The following TTC3 variants were observed in gnomAD, a reference collection of about 807,000 sequenced individuals.
TTC3 encodes tetratricopeptide repeat domain 3, also known as E3 ubiquitin-protein ligase TTC3.
Under a neutral mutation model 249.6 loss-of-function variants are expected in TTC3, and 180 were observed. The observed-to-expected ratio is 0.72, with a 90% CI of 0.64 to 0.82. The LOEUF (loss-of-function observed/expected upper bound fraction) is 0.82. TTC3 is among the 40% of genes least tolerant of loss of function. The pLI is 0.00. For missense variants in TTC3, 2,061 were observed against 2,398.4 expected (o/e 0.86, Z 2.94); for synonymous variants, 717 against 805.0 (o/e 0.89, Z 1.85).
chr21:37,088,435 G>C (rs1477752901), intron 4 of TTC3, 89 bp downstream of exon 4: 2 of 1,470,582 alleles, frequency 1.4e-6, no homozygotes, highest in African/African-American at 2.8e-5. Context: ...GAAGGCTTAT[G>C]TCTTATTCTT....
intron 11 of TTC3, among the ~76,000 whole-genome samples, chr21:37,112,791 A>C (rs2075788337): frequency 6.6e-6 from 1 of 152,226 alleles, no homozygotes; most frequent in South Asian, 2.1e-4. Flanking sequence ...AAAAATCCTC[A>C]GTAAAATACT....
intron 1 of TTC3, chr21:37,083,113 G>A (rs1003022070): frequency 1.2e-5 from 12 of 985,232 alleles, no homozygotes; most frequent in Non-Finnish European, 1.4e-5. Context: ...GAGAAGAGGT[G>A]CAAAAATCAA....
chr21:37,121,476 A>C (rs553675649), intron 11 of TTC3: 2 of 166,616 alleles, frequency 1.2e-5, no homozygotes, highest in African/African-American at 4.7e-5. Context: ...AGTTATTTAT[A>C]ATGAATGACA....
Position 37,169,223 on chromosome 21 carries a change from A to C in TTC3, c.4467+1603A>C, listed in dbSNP as rs141135153. Among the ~76,000 whole-genome samples the C allele has an allele frequency of 2.1e-3, 320 of 152,336 alleles. 1 individual carries two copies. The highest frequency in any genetic ancestry group is 3.3e-3 in the Non-Finnish European group (225 of 68,030). ...ACTAGACAAATTGATTTTAAACTTC[A>C]TATGTAAAAATGAACATCAAGAATG... On this transcript the variant is annotated intron_variant, in intron 34 of 45. Coordinates refer to ENST00000355666, the Ensembl canonical transcript of TTC3.
intron 20 of TTC3, among the ~76,000 whole-genome samples, chr21:37,143,804 T>C (rs1450741166): frequency 1.6e-5 from 2 of 123,906 alleles, no homozygotes; most frequent in Middle Eastern, 3.8e-3. Context: ...ATATGTTTAT[T>C]GCGGCACTAT....
chr21:37,147,436 CAGATT>C (rs756736760), intron 21 of TTC3, 40 bp from the exon 22 acceptor site: 12 of 1,497,564 alleles, frequency 8.0e-6, no homozygotes, highest in African/African-American at 1.4e-5. Context: ...TTTTTATTGA[CAGATT>C]AGTATTGTAA....
intron 1 of TTC3, among the ~76,000 whole-genome samples, chr21:37,079,097 T>C (rs796126289): frequency 8.5e-5 from 13 of 152,334 alleles, no homozygotes; most frequent in African/African-American, 2.6e-4. Flanking sequence ...TTTTCTTTTA[T>C]ATTCTTTCTT....
At chr21:37,192,043 A>T in intron 40 of TTC3, 69 bp from the exon 41 acceptor site, 2 of 939,752 alleles carry the variant, frequency 2.1e-6, no homozygotes, top group Non-Finnish European at 3.3e-6. Flanking sequence ...TTTCATTTAT[A>T]ATGTGTAGGA....
At chr21:37,158,739 T>C (rs1004712611) in intron 28 of TTC3, among the ~76,000 whole-genome samples, 1 of 152,152 alleles carries the variant, frequency 6.6e-6, no homozygotes, top group Non-Finnish European at 1.5e-5. Flanking sequence ...ATATTGTATA[T>C]CTAGTATTTA....
At chr21:37,133,446 T>G (rs1444319872) in intron 17 of TTC3, among the ~76,000 whole-genome samples, 1 of 152,224 alleles carries the variant, frequency 6.6e-6, no homozygotes, top group Non-Finnish European at 1.5e-5. Flanking sequence ...AGTTGGAGAT[T>G]TTAAATTATA....
intron 44 of TTC3, among the ~76,000 whole-genome samples, chr21:37,198,407 G>A (rs2085145746): frequency 6.6e-6 from 1 of 152,180 alleles, no homozygotes; most frequent in South Asian, 2.1e-4. Context: ...TTTCTTCTGT[G>A]TAACCATGGC....
chr21:37,109,475 G>T (rs557927176), intron 11 of TTC3, among the ~76,000 whole-genome samples: 70 of 152,352 alleles, frequency 4.6e-4, no homozygotes, highest in African/African-American at 1.6e-3. Flanking sequence ...TAGCACAGCA[G>T]TCTGAGATCA....
chr21:37,092,671 C>T (rs1490737761), intron 7 of TTC3, among the ~76,000 whole-genome samples: 1 of 152,146 alleles, frequency 6.6e-6, no homozygotes, highest in Non-Finnish European at 1.5e-5. Context: ...TGTAATCTTA[C>T]TCTGTCCCTT....
chr21:37,106,876 A>G (rs1017793267), intron 10 of TTC3, among the ~76,000 whole-genome samples: 5 of 152,348 alleles, frequency 3.3e-5, no homozygotes, highest in Admixed American at 3.3e-4. Flanking sequence ...CCTGGGTGAC[A>G]GAGTGAGCCC....
At chr21:37,182,817 G>A (rs1485398536) in exon 36 of TTC3, 5 of 1,591,568 alleles carry the variant, frequency 3.1e-6, no homozygotes, top group Non-Finnish European at 4.3e-6. Context: ...GATTTGGAAA[G>A]AGAAATTAAA....
chr21:37,108,809 A>G (rs2147797819), intron 11 of TTC3, among the ~76,000 whole-genome samples: 1 of 152,300 alleles, frequency 6.6e-6, no homozygotes, highest in African/African-American at 2.4e-5. Flanking sequence ...CACACAGTGC[A>G]CAAATCAGCA....
intron 8 of TTC3, among the ~76,000 whole-genome samples, chr21:37,094,535 A>G (rs1313508554): frequency 6.6e-6 from 1 of 152,198 alleles, no homozygotes; most frequent in Non-Finnish European, 1.5e-5. Context: ...CACCTTTCAT[A>G]TATATTCTCG....
chr21:37,151,749 A>G (rs1440402589), intron 25 of TTC3, 144 bp from the exon 26 acceptor site: 1 of 910,976 alleles, frequency 1.1e-6, no homozygotes, highest in African/African-American at 1.7e-5. Context: ...GACAATACTG[A>G]CAGTTTCTTA....
intron 19 of TTC3, among the ~76,000 whole-genome samples, chr21:37,139,255 A>T (rs1366982600): frequency 6.6e-6 from 1 of 152,248 alleles, no homozygotes; most frequent in East Asian, 1.9e-4. Flanking sequence ...ATTTGTACGT[A>T]GAAAGTACTT....
Sources: gnomAD v4.1 joint callset for allele counts (sites outside exome capture counted in the v4.1 genomes callset) on GRCh38, gnomAD v4.1.1 for gene constraint, MANE v1.5 for transcripts, NCBI Gene and HGNC (gene_info 2026-07-23, HGNC 2026-07-21) for gene names.